The following GIMAP4 variants were observed in gnomAD, a reference collection of about 807,000 sequenced individuals.
GIMAP4 encodes GTPase IMAP family member 4.
In GIMAP4, 12 loss-of-function variants were observed where a neutral mutation model predicts 10.8. The ratio of observed to expected loss-of-function variants is 1.11; its 90% CI spans 0.71 to 1.81. The LOEUF (loss-of-function observed/expected upper bound fraction) is 1.81. Ranked by LOEUF, GIMAP4 falls within the 40% of genes most tolerant of loss-of-function variation. GIMAP4 has a pLI of 0.00. For missense variants in GIMAP4, 412 were observed against 404.6 expected (o/e 1.02, Z -0.16); for synonymous variants, 149 against 147.2 (o/e 1.01, Z -0.09).
chr7:150,570,977 G>C (rs1459554120), intron 2 of GIMAP4, among the ~76,000 whole-genome samples: 1 of 152,136 alleles, frequency 6.6e-6, no homozygotes, highest in Non-Finnish European at 1.5e-5. Context: ...CTACATCCCA[G>C]AGGCATGCAT....
chr7:150,571,288 C>T (rs112317347), intron 2 of GIMAP4, among the ~76,000 whole-genome samples: 1 of 152,288 alleles, frequency 6.6e-6, no homozygotes, highest in Non-Finnish European at 1.5e-5. Flanking sequence ...CGGAAATACG[C>T]TTCTTTCATC....
intron 1 of GIMAP4, 114 bp from the exon 2 acceptor site, chr7:150,569,774 A>G: frequency 1.6e-6 from 1 of 634,346 alleles, no homozygotes; most frequent in Non-Finnish European, 2.9e-6. Context: ...GAGCAGGAGA[A>G]ATCAATGTAG....
At chr7:150,568,261 C>T (rs1795687357) in intron 1 of GIMAP4, among the ~76,000 whole-genome samples, 1 of 152,182 alleles carries the variant, frequency 6.6e-6, no homozygotes, top group African/African-American at 2.4e-5. Context: ...ACACCAGCCA[C>T]CAAAGCTGAT....
chr7:150,570,362 T>C (rs947719328), intron 2 of GIMAP4, among the ~76,000 whole-genome samples: 2 of 152,110 alleles, frequency 1.3e-5, no homozygotes, highest in Non-Finnish European at 2.9e-5. Context: ...TGGGAGTAAT[T>C]GTCCCTCACC....
intron 1 of GIMAP4, among the ~76,000 whole-genome samples, chr7:150,569,385 A>G (rs116445627): frequency 4.5e-4 from 68 of 152,208 alleles, no homozygotes; most frequent in African/African-American, 1.5e-3. Flanking sequence ...GATGACCCCA[A>G]AGTTCTGCAG....
intron 2 of GIMAP4, 74 bp downstream of exon 2, chr7:150,570,033 G>GGAA: frequency 2.5e-6 from 1 of 400,950 alleles, no homozygotes; most frequent in East Asian, 6.4e-5. Context: ...ATTTGGGGGG[G>GGAA]AATAGGGGTG....
At position 150,572,214 on chromosome 7, in the gene GIMAP4, C is replaced by T. The variant is rs773150000; in HGVS notation, c.144C>T (p.Asn48=). The T allele has an allele frequency of 8.1e-6, 13 of 1,613,858 alleles. No homozygotes were observed. In the South Asian group the frequency reaches 8.8e-5, roughly 11 times the overall value. The change falls in exon 3 of 3, where the codon AAC becomes AAT. Residue 48 remains asparagine, a synonymous_variant. Transcript: ENST00000255945. ...GAGCAGGAAAAAGTGCAACAGGAAACAGCATCCTTGGCCGGAAAGTGTTTC... is the reference window on the plus strand; with the variant it reads ...GAGCAGGAAAAAGTGCAACAGGAAATAGCATCCTTGGCCGGAAAGTGTTTC... ...KTGAGKSATG[N]SILGRKVFHS...
In GIMAP4 at chr7:150,572,743, A is replaced by C; in HGVS notation, c.673A>C (p.Met225Leu). ...CAAGGAAGGCTGCTACACTAATAGG[A>C]TGTACCAAAGGGCGGAGGAGGAGAT... ...ENKEGCYTNRMYQRAEEEIQK... is the reference protein window; with the variant it reads ...ENKEGCYTNRLYQRAEEEIQK... Residue 225 changes from methionine to leucine, a missense_variant, in exon 3 of 3, where the codon ATG becomes CTG. By Grantham distance (15) the Met-to-Leu change is conservative. Coordinates refer to ENST00000255945, the MANE Select transcript of GIMAP4 (RefSeq NM_018326.3). The C allele has an allele frequency of 6.2e-7, 1 of 1,614,190 alleles. No individual in the cohort carries two copies.
chr7:150,568,315 T>A (rs1267223433), intron 1 of GIMAP4, among the ~76,000 whole-genome samples: 1 of 151,198 alleles, frequency 6.6e-6, no homozygotes, highest in Non-Finnish European at 1.5e-5. Context: ...AGAAGCTGTT[T>A]CCTATACCCT....
Position 150,573,933 on chromosome 7 carries a change from T to C in GIMAP4, c.*873T>C. On this transcript the variant is annotated 3_prime_UTR_variant, in exon 3 of 3. Transcript: ENST00000255945. ...AATTTTTTGCTTATGTTGTTTATAA[T>C]AAAACTTTTCAATTATCTCATATTT... 1 of 152,238 alleles carries C rather than the reference T, an allele frequency of 6.6e-6. No homozygotes were observed. The highest frequency in any genetic ancestry group is 1.5e-5 in the Non-Finnish European group (1 of 68,024). The allele number at this position is 152,238 out of a possible 1,614,324, so 9.4% of individuals were successfully genotyped here. A position where few individuals can be genotyped will look rare whatever the true frequency, so the allele number is the denominator to read the frequency against.
Position 150,572,757 on chromosome 7 carries a change from G to A in GIMAP4, c.687G>A (p.Ala229=), listed in dbSNP as rs143206686. ...GCYTNRMYQR[A]EEEIQKQTQA... ...ACACTAATAGGATGTACCAAAGGGC[G>A]GAGGAGGAGATCCAGAAGCAAACAC... Residue 229 remains alanine, a synonymous_variant, in exon 3 of 3, where the codon GCG becomes GCA. Transcript: ENST00000255945. 35 of 1,614,144 alleles carry A rather than the reference G, an allele frequency of 2.2e-5. No homozygotes were observed. In the African/African-American group the frequency reaches 2.3e-4, roughly 10 times the overall value.
Position 150,573,161 on chromosome 7 carries a change from G to A in GIMAP4, c.*101G>A. 1.4e-6 allele frequency: 1 copy of A among 731,702 alleles called. No homozygotes were observed. The highest frequency in any genetic ancestry group is 1.9e-5 in the South Asian group (1 of 53,798). The allele number at this position is 731,702 out of a possible 1,614,324, so 45.3% of individuals were successfully genotyped here. On this transcript the variant is annotated 3_prime_UTR_variant, in exon 3 of 3. Transcript: ENST00000255945. The stretch of plus-strand genomic sequence containing the variant: ...CGAGTGCTCTAGTTTCTGTCTCTCA[G>A]GCACTCGTAACTAAGGACCACCATT...
Position 150,572,633 on chromosome 7 carries a change from C to A in GIMAP4, c.563C>A (p.Ala188Glu). ...GACATTTTCGGTGACCGCTACTGTG[C>A]GTTAAACAACAAGGCAACAGGCGCT... ...LMDIFGDRYC[A>E]LNNKATGAEQ... Residue 188 changes from alanine to glutamate, a missense_variant, in exon 3 of 3, where the codon GCG (alanine) becomes GAG (glutamate). By Grantham distance (107) the Ala-to-Glu change is moderately radical (BLOSUM62 -1). Transcript: ENST00000255945. 1.2e-6 allele frequency: 2 copies of A among 1,614,150 alleles called. No homozygotes were observed. Among genetic ancestry groups the A allele is most frequent in the South Asian group, 1.1e-5 (1 of 91,080 alleles).
intron 1 of GIMAP4, 125 bp downstream of exon 1, chr7:150,567,562 C>T (rs1458186046): frequency 6.6e-6 from 1 of 152,142 alleles, no homozygotes; most frequent in Non-Finnish European, 1.5e-5. Flanking sequence ...GTTCCCGTTT[C>T]CTGGCTTTGC....
rs1311447241 is a variant in GIMAP4 at position 150,572,284 on chromosome 7, C to T, written c.214C>T (p.Arg72Cys). ...ATCCATTACCAAGAAGTGTGAGAAA[C>T]GCAGCAGCTCATGGAAGGAAACAGA... ...AKSITKKCEKRSSSWKETELV... is the reference protein window; with the variant it reads ...AKSITKKCEKCSSSWKETELV... The change falls in exon 3 of 3, where the codon CGC becomes TGC. Residue 72 changes from arginine (R) to cysteine (C), a missense_variant. Physicochemically the swap from Arg to Cys is radical, Grantham distance 180. Transcript: ENST00000255945. 8 of 1,614,002 alleles carry T rather than the reference C, an allele frequency of 5.0e-6. No individual in the cohort carries two copies. The highest frequency in any genetic ancestry group is 4.5e-5 in the East Asian group (2 of 44,872).
Position 150,573,287 on chromosome 7 carries a change from T to C in GIMAP4, c.*227T>C. ...TATTGGTGCTTGCTACCTTGTGAAT[T>C]CTTCCTTAGACATGCAGAGAAAATG... On this transcript the variant is annotated 3_prime_UTR_variant, in exon 3 of 3. Coordinates refer to ENST00000255945, the MANE Select transcript of GIMAP4 (RefSeq NM_018326.3). The C allele has an allele frequency of 2.2e-6, 1 of 459,644 alleles. No homozygotes were observed. The highest frequency in any genetic ancestry group is 3.9e-6 in the Non-Finnish European group (1 of 259,174). 28.5% of individuals were successfully genotyped at this position (459,644 alleles called of 1,614,324 possible).
rs201603900 is a variant in GIMAP4 at position 150,572,911 on chromosome 7, A to G, written c.841A>G (p.Lys281Glu). 144 of 1,613,988 alleles carry G rather than the reference A, an allele frequency of 8.9e-5. 1 individual carries two copies. The highest frequency in any genetic ancestry group is 1.2e-4 in the Non-Finnish European group (140 of 1,180,008). ...GGAAAAGAGAAAGAAGCAAATGGAGAAGAAACTAGCAGAACAGGAGGCTCA... is the reference window on the plus strand; with the variant it reads ...GGAAAAGAGAAAGAAGCAAATGGAGGAGAAACTAGCAGAACAGGAGGCTCA... ...EQEKRKKQME[K>E]KLAEQEAHYA... is the part of the protein sequence containing the mutation. Residue 281 changes from lysine to glutamate, a missense_variant, in exon 3 of 3, where the codon AAG becomes GAG. Coordinates refer to ENST00000255945, the MANE Select transcript of GIMAP4 (RefSeq NM_018326.3).
Position 150,573,072 on chromosome 7 carries a change from A to T in GIMAP4, c.*12A>T. 1 of 1,531,218 alleles carries T rather than the reference A, an allele frequency of 6.5e-7. No individual in the cohort carries two copies. The highest frequency in any genetic ancestry group is 1.2e-5 in the South Asian group (1 of 85,634). The allele number at this position is 1,531,218 out of a possible 1,614,324, so 94.9% of individuals were successfully genotyped here. On this transcript the variant is annotated 3_prime_UTR_variant, in exon 3 of 3. Transcript: ENST00000255945. ...TCGCGGAAGATTAAACTTAATGAAA[A>T]TCTGTTTGTATTTTCTGCATATTCT... is the stretch of plus-strand genomic sequence containing the variant.
At position 150,573,331 on chromosome 7, in the gene GIMAP4, G is replaced by C. The variant is rs1769211917; in HGVS notation, c.*271G>C. The C allele has an allele frequency of 3.2e-6, 1 of 316,938 alleles. No homozygotes were observed. The highest frequency in any genetic ancestry group is 6.2e-5 in the East Asian group (1 of 16,190). The allele number at this position is 316,938 out of a possible 1,614,324, so 19.6% of individuals were successfully genotyped here. A position where few individuals can be genotyped will look rare whatever the true frequency, so the allele number is the denominator to read the frequency against. On this transcript the variant is annotated 3_prime_UTR_variant, in exon 3 of 3. Coordinates refer to ENST00000255945, the MANE Select transcript of GIMAP4 (RefSeq NM_018326.3). ...GAAAATGTATGCAAGAGACCAAAAA[G>C]ATGGCTCCAAGCTATGTCATGTTAC...
Sources: allele counts gnomAD v4.1 joint callset (sites outside exome capture counted in the v4.1 genomes callset), GRCh38; gene constraint gnomAD v4.1.1; transcripts MANE v1.5; gene names NCBI Gene and HGNC (gene_info 2026-07-23, HGNC 2026-07-21).